ZSCAN32: variants seen among roughly 807,000 people sequenced by gnomAD.
ZSCAN32 encodes zinc finger and SCAN domain-containing protein 32.
A neutral mutation model predicts 47.4 loss-of-function variants in ZSCAN32; 52 were observed. The ratio of observed to expected loss-of-function variants is 1.10; its 90% CI spans 0.88 to 1.38. The LOEUF (loss-of-function observed/expected upper bound fraction) is 1.38, where lower values mean the gene tolerates loss of function less well. Among genes scored for constraint, ZSCAN32 ranks in the 40% most tolerant of loss-of-function variants. The pLI is 0.00. For missense variants in ZSCAN32, 959 were observed against 846.0 expected (o/e 1.13, Z -1.66); for synonymous variants, 346 against 305.7 (o/e 1.13, Z -1.38).
chr16:3,383,261 G>T lies in ZSCAN32; in HGVS notation c.1685C>A (p.Ser562Tyr), dbSNP rs1567299353. The part of the protein sequence containing the change: ...SECGKGFSER[S>Y]NLTAHLRTHT... The stretch of plus-strand genomic sequence containing the variant: ...AGTTCGTAGGTGGGCAGTGAGGTTG[G>T]AGCGCTCACTAAAGCCCTTCCCGCA... Residue 562 changes from serine to tyrosine, a missense_variant, in exon 7 of 7, where the codon TCC becomes TAC. Coordinates refer to ENST00000396852, the MANE Select transcript of ZSCAN32 (RefSeq NM_001284527.2). 6.2e-7 allele frequency: 1 copy of T among 1,614,172 alleles called. No homozygotes were observed.
chr16:3,400,424 T>G (rs553262263), intron 1 of ZSCAN32, among the ~76,000 whole-genome samples: 1 of 152,300 alleles, frequency 6.6e-6, no homozygotes, highest in African/African-American at 2.4e-5. Context: ...TCTTCTAACT[T>G]CATGCAGAAG....
chr16:3,383,303 G>C lies in ZSCAN32; in HGVS notation c.1643C>G (p.Pro548Arg), dbSNP rs768807543. The C allele has an allele frequency of 6.2e-7, 1 of 1,614,212 alleles. No homozygotes were observed. The highest frequency in any genetic ancestry group is 1.7e-5 in the Admixed American group (1 of 60,032). ...RHQRIHTGEK[P>R]HKCSECGKGF... ...CTTCCCGCACTCACTGCACTTGTGA[G>C]GCTTCTCGCCTGTGTGGATTCTTTG... The change falls in exon 7 of 7, where the codon CCT becomes CGT. Residue 548 changes from proline to arginine, a missense_variant. Coordinates refer to ENST00000396852, the MANE Select transcript of ZSCAN32 (RefSeq NM_001284527.2).
intron 1 of ZSCAN32, among the ~76,000 whole-genome samples, chr16:3,399,670 T>C (rs1015296518): frequency 2.6e-5 from 4 of 152,212 alleles, no homozygotes; most frequent in African/African-American, 7.2e-5. Context: ...GGTCTCAAAC[T>C]CCTGAACTCA....
intron 3 of ZSCAN32, among the ~76,000 whole-genome samples, chr16:3,391,492 A>G (rs1171625162): frequency 6.6e-6 from 1 of 151,872 alleles, no homozygotes; most frequent in Non-Finnish European, 1.5e-5. Flanking sequence ...AGCCTGCCCA[A>G]CATGGCGAAA....
intron 5 of ZSCAN32, among the ~76,000 whole-genome samples, chr16:3,387,357 C>T (rs1433186990): frequency 6.6e-6 from 1 of 152,228 alleles, no homozygotes; most frequent in Non-Finnish European, 1.5e-5. Context: ...CCTCAGCCAG[C>T]CCATCTCTAT....
chr16:3,390,069 G>C lies in ZSCAN32; in HGVS notation c.692C>G (p.Pro231Arg). 1 of 1,614,020 alleles carries C rather than the reference G, an allele frequency of 6.2e-7. No homozygotes were observed. Among genetic ancestry groups the C allele is most frequent in the Non-Finnish European group, 8.5e-7 (1 of 1,179,976 alleles). ...LCQQEWMCPG[P>R]AQRALYRGAT... Reference sequence around the variant, plus strand: ...ACCCCTGTAGAGGGCCCTTTGTGCAGGGCCTGGGCACATCCATTCTTGCTG... The same window carrying C: ...ACCCCTGTAGAGGGCCCTTTGTGCACGGCCTGGGCACATCCATTCTTGCTG... The change falls in exon 5 of 7, where the codon CCT becomes CGT. Residue 231 changes from proline to arginine, a missense_variant. By Grantham distance (103) the Pro-to-Arg change is moderately radical. Coordinates refer to ENST00000396852, the MANE Select transcript of ZSCAN32 (RefSeq NM_001284527.2).
rs776136666 is a variant in ZSCAN32, at chr16:3,383,536, C to T, written c.1410G>A (p.Gly470=). The T allele has an allele frequency of 6.2e-7, 1 of 1,614,082 alleles. No homozygotes were observed. Among genetic ancestry groups the T allele is most frequent in the South Asian group, 1.1e-5 (1 of 91,080 alleles). Residue 470 remains glycine (G), a synonymous_variant, in exon 7 of 7, where the codon GGG becomes GGA. Coordinates refer to ENST00000396852, the MANE Select transcript of ZSCAN32 (RefSeq NM_001284527.2). ...TSRRQCRNSP[G]ESEEKTPSQE... is the part of the protein sequence containing the mutation. ...GGGATGGGGTTTTCTCCTCACTCTC[C>T]CCTGGAGAATTTCTACATTGCCTTC...
intron 1 of ZSCAN32, among the ~76,000 whole-genome samples, chr16:3,398,763 C>G (rs2033610222): frequency 1.3e-5 from 2 of 152,230 alleles, no homozygotes; most frequent in Non-Finnish European, 2.9e-5. Flanking sequence ...TTGCTACCCT[C>G]TCCTCGGGGG....
chr16:3,391,881 T>C (rs367700184), intron 3 of ZSCAN32, among the ~76,000 whole-genome samples: 1 of 150,682 alleles, frequency 6.6e-6, no homozygotes, highest in African/African-American at 2.4e-5. Context: ...CAGTGAACTA[T>C]GATGCCACCA....
chr16:3,400,717 C>A (rs770248943), intron 1 of ZSCAN32, among the ~76,000 whole-genome samples: 1 of 152,168 alleles, frequency 6.6e-6, no homozygotes, highest in African/African-American at 2.4e-5. Flanking sequence ...CAGGGGGTCC[C>A]GGGGCGCCGG....
At chr16:3,385,922 A>T (rs1443355094) in intron 5 of ZSCAN32, among the ~76,000 whole-genome samples, 11 of 152,226 alleles carry the variant, frequency 7.2e-5, no homozygotes, top group South Asian at 2.1e-4. Context: ...AGCAATGGCA[A>T]CCAAAGCCAA....
chr16:3,388,849 A>G (rs953348543), intron 5 of ZSCAN32, among the ~76,000 whole-genome samples: 1 of 152,108 alleles, frequency 6.6e-6, no homozygotes, highest in Admixed American at 6.6e-5. Flanking sequence ...TTGCAGGGGA[A>G]GGACGGGGAG....
chr16:3,391,180 G>C (rs1168040834), intron 3 of ZSCAN32, among the ~76,000 whole-genome samples: 2 of 152,196 alleles, frequency 1.3e-5, no homozygotes, highest in Admixed American at 6.5e-5. Flanking sequence ...CCAGATCTGT[G>C]AGTGGCCCAT....
rs756829893 is a variant in ZSCAN32 at position 3,383,029 on chromosome 16, C to G, written c.1917G>C (p.Gly639=). 5.0e-6 allele frequency: 8 copies of G among 1,614,028 alleles called. No homozygotes were observed. Among genetic ancestry groups the G allele is most frequent in the Non-Finnish European group, 5.1e-6 (6 of 1,179,940 alleles). The change falls in exon 7 of 7, where the codon GGG becomes GGC. Residue 639 remains glycine (G), a synonymous_variant. Coordinates refer to ENST00000396852, the MANE Select transcript of ZSCAN32 (RefSeq NM_001284527.2). ...AGTGGGAGCTATTGTTGAAGATTTT[C>G]CCACACACTGCACACTTGTATGGGC... ...GESPYKCAVC[G]KIFNNSSHFS... is the part of the protein sequence containing the mutation.
intron 5 of ZSCAN32, among the ~76,000 whole-genome samples, chr16:3,389,531 A>G (rs956930195): frequency 2.6e-5 from 4 of 152,150 alleles, no homozygotes; most frequent in Non-Finnish European, 5.9e-5. Context: ...ACCTTCCCCA[A>G]GTGTCCTGAG....
At position 3,382,238 on chromosome 16, in the gene ZSCAN32, AG is replaced by A. The variant is rs2031308286; in HGVS notation, c.*613del. ...CTATGATGAGGGCAATAATAAAAGG[AG>A]AAATCTTACAAAAAATTAACCTGGA... On this transcript the variant is annotated 3_prime_UTR_variant, in exon 7 of 7. Transcript: ENST00000396852. 1.3e-5 allele frequency: 2 copies of A among 152,278 alleles called. No individual in the cohort carries two copies. Among genetic ancestry groups the A allele is most frequent in the Admixed American group, 6.5e-5 (1 of 15,288 alleles). 9.4% of individuals were successfully genotyped at this position (152,278 alleles called of 1,614,324 possible).
At chr16:3,393,241 T>TATAA (rs1398744033) in intron 3 of ZSCAN32, among the ~76,000 whole-genome samples, 3 of 10,624 alleles carry the variant, frequency 2.8e-4, no homozygotes, top group African/African-American at 1.8e-3. Flanking sequence ...TTTATATATT[T>TATAA]TATATATATA....
At position 3,382,247 on chromosome 16, in the gene ZSCAN32, AC is replaced by A. The variant is rs2031309892; in HGVS notation, c.*604del. ...GGGCAATAATAAAAGGAGAAATCTT[AC>A]AAAAAATTAACCTGGATGTTGTGCT... On this transcript the variant is annotated 3_prime_UTR_variant, in exon 7 of 7. Transcript: ENST00000396852. 1 of 152,262 alleles carries A rather than the reference AC, an allele frequency of 6.6e-6. No individual in the cohort carries two copies. The highest frequency in any genetic ancestry group is 6.5e-5 in the Admixed American group (1 of 15,286). 9.4% of individuals were successfully genotyped at this position (152,262 alleles called of 1,614,324 possible).
Position 3,397,621 on chromosome 16 carries a change from C to T in ZSCAN32, c.-64G>A. Reference sequence around the variant, plus strand: ...ACCCTGGAGATCAGAGTCCATCTTTCCCACATCACTGGGAAGCCATGTTCT... The same window carrying T: ...ACCCTGGAGATCAGAGTCCATCTTTTCCACATCACTGGGAAGCCATGTTCT... On this transcript the variant is annotated 5_prime_UTR_variant, in exon 2 of 7. Coordinates refer to ENST00000396852, the MANE Select transcript of ZSCAN32 (RefSeq NM_001284527.2). 2.8e-6 allele frequency: 4 copies of T among 1,452,288 alleles called. No individual in the cohort carries two copies. The highest frequency in any genetic ancestry group is 2.7e-6 in the Non-Finnish European group (3 of 1,101,058). The allele number at this position is 1,452,288 out of a possible 1,614,324, so 90.0% of individuals were successfully genotyped here. A position where few individuals can be genotyped will look rare whatever the true frequency, so the allele number is the denominator to read the frequency against.
Sources: allele counts gnomAD v4.1 joint callset (sites outside exome capture counted in the v4.1 genomes callset), GRCh38; gene constraint gnomAD v4.1.1; transcripts MANE v1.5; gene names NCBI Gene and HGNC (gene_info 2026-07-23, HGNC 2026-07-21).